The following ADAMTS17 variants were observed in gnomAD, a reference collection of about 807,000 sequenced individuals.
ADAMTS17 encodes the protein A disintegrin and metalloproteinase with thrombospondin motifs 17.
A neutral mutation model predicts 141.5 loss-of-function variants in ADAMTS17; 113 were observed. That is an observed-to-expected ratio of 0.80 (90% CI 0.69 to 0.93). The LOEUF (loss-of-function observed/expected upper bound fraction) is 0.93. ADAMTS17 is among the 40% of genes least tolerant of loss of function. The pLI, the probability that ADAMTS17 is intolerant of heterozygous loss-of-function variation, is 0.00. For synonymous variants in ADAMTS17, 768 were observed against 630.6 expected (o/e 1.22, Z -3.27); for missense variants, 1,659 against 1,517.9 (o/e 1.09, Z -1.54).
intron 8 of ADAMTS17, among the ~76,000 whole-genome samples, chr15:100,159,064 G>C (rs997970744): frequency 1.3e-5 from 2 of 152,128 alleles, no homozygotes; most frequent in African/African-American, 4.8e-5. Flanking sequence ...ACAGTATGGA[G>C]GTTCCTCAAA....
intron 20 of ADAMTS17, among the ~76,000 whole-genome samples, chr15:99,991,727 G>A (rs1306301024): frequency 2.0e-5 from 3 of 152,110 alleles, no homozygotes; most frequent in Non-Finnish European, 4.4e-5. Context: ...GCACACATAC[G>A]TTTACTGCGG....
chr15:100,207,108 GTGA>G (rs1459780826), intron 7 of ADAMTS17, among the ~76,000 whole-genome samples: 1 of 152,178 alleles, frequency 6.6e-6, no homozygotes, highest in Non-Finnish European at 1.5e-5. Context: ...CTTCAGGGAG[GTGA>G]TGAAGGTTAA....
intron 20 of ADAMTS17, among the ~76,000 whole-genome samples, chr15:99,988,826 G>A (rs1182097378): frequency 1.3e-5 from 2 of 152,214 alleles, no homozygotes; most frequent in African/African-American, 4.8e-5. Context: ...GCAGAGGAGG[G>A]AAGGCTCATG....
chr15:100,078,287 G>A (rs1432607793), intron 15 of ADAMTS17, among the ~76,000 whole-genome samples: 1 of 151,062 alleles, frequency 6.6e-6, no homozygotes, highest in Admixed American at 6.6e-5. Context: ...ACCCAGAATA[G>A]CCAAAGTAAT....
intron 8 of ADAMTS17, among the ~76,000 whole-genome samples, chr15:100,159,741 A>G (rs773581714): frequency 7.2e-5 from 11 of 152,182 alleles, no homozygotes; most frequent in Non-Finnish European, 1.0e-4. Context: ...AAGGGTCACA[A>G]CTCACAGACC....
chr15:100,175,855 C>T (rs180976294), intron 8 of ADAMTS17, among the ~76,000 whole-genome samples: 46 of 152,222 alleles, frequency 3.0e-4, no homozygotes, highest in African/African-American at 1.0e-3. Context: ...CCACACCCTC[C>T]AGTCCCAAGG....
chr15:100,219,493 C>T (rs897408557), intron 7 of ADAMTS17, among the ~76,000 whole-genome samples: 3 of 152,134 alleles, frequency 2.0e-5, no homozygotes, highest in South Asian at 4.1e-4. Context: ...ACAGGAAAAT[C>T]GCCACCACTC....
At chr15:100,027,359 C>G (rs1218588485) in intron 18 of ADAMTS17, among the ~76,000 whole-genome samples, 2 of 151,900 alleles carry the variant, frequency 1.3e-5, no homozygotes, top group Non-Finnish European at 1.5e-5. Flanking sequence ...ATTCCTGTAT[C>G]TAACTTTGTG....
intron 7 of ADAMTS17, among the ~76,000 whole-genome samples, chr15:100,210,578 C>G (rs1485162460): frequency 6.6e-6 from 1 of 152,240 alleles, no homozygotes; most frequent in Non-Finnish European, 1.5e-5. Context: ...AGACCGCAAG[C>G]TGGCAGCCAC....
At chr15:100,014,922 TTC>T (rs959496669) in intron 18 of ADAMTS17, among the ~76,000 whole-genome samples, 87 of 152,336 alleles carry the variant, frequency 5.7e-4, no homozygotes, top group African/African-American at 1.9e-3. Context: ...TTTGTTGACT[TTC>T]TGTTTTGATG....
intron 7 of ADAMTS17, among the ~76,000 whole-genome samples, chr15:100,209,355 A>C (rs370316411): frequency 1.3e-5 from 2 of 152,272 alleles, no homozygotes; most frequent in African/African-American, 4.8e-5. Flanking sequence ...AGCTCTGGGC[A>C]CCAGCTCCTG....
At chr15:100,164,820 T>A (rs963801044) in intron 8 of ADAMTS17, among the ~76,000 whole-genome samples, 6 of 152,046 alleles carry the variant, frequency 3.9e-5, no homozygotes, top group Non-Finnish European at 5.9e-5. Flanking sequence ...ACTCCTGGAG[T>A]AAAGCTTAAG....
At chr15:100,307,431 A>T (rs1385362094) in intron 3 of ADAMTS17, among the ~76,000 whole-genome samples, 1 of 152,242 alleles carries the variant, frequency 6.6e-6, no homozygotes, top group Non-Finnish European at 1.5e-5. Context: ...AACAAAAGAA[A>T]GAGATGGCAA....
intron 20 of ADAMTS17, chr15:99,979,531 G>A (rs960473030): frequency 6.6e-6 from 1 of 152,270 alleles, no homozygotes. Flanking sequence ...GCTAAACGCA[G>A]AGCGAAGTCA....
intron 12 of ADAMTS17, among the ~76,000 whole-genome samples, chr15:100,124,704 TTC>T (rs2037634865): frequency 1.3e-5 from 2 of 152,216 alleles, no homozygotes; most frequent in Non-Finnish European, 2.9e-5. Context: ...TCTTTGTATA[TTC>T]TACCTTCATA....
chr15:99,978,305 C>G (rs182799743), intron 20 of ADAMTS17, among the ~76,000 whole-genome samples: 1 of 152,138 alleles, frequency 6.6e-6, no homozygotes, highest in Non-Finnish European at 1.5e-5. Context: ...TTTTGTGTGT[C>G]TTTTTTCACT....
chr15:100,299,069 T>G (rs546712762), intron 3 of ADAMTS17, among the ~76,000 whole-genome samples: 3 of 152,280 alleles, frequency 2.0e-5, no homozygotes, highest in Non-Finnish European at 2.9e-5. Context: ...ACCGGTCATA[T>G]CAGATTAGGG....
chr15:100,034,474 C>A (rs975565611), intron 18 of ADAMTS17, among the ~76,000 whole-genome samples: 2 of 152,218 alleles, frequency 1.3e-5, no homozygotes, highest in Non-Finnish European at 2.9e-5. Context: ...CTGGGAAGCA[C>A]CTGCCACTAC....
chr15:100,253,701 C>T (rs1017680152), intron 7 of ADAMTS17, among the ~76,000 whole-genome samples: 2 of 152,150 alleles, frequency 1.3e-5, no homozygotes, highest in African/African-American at 2.4e-5. Flanking sequence ...TTATAATCTA[C>T]AGTCACACTT....
Sources: allele counts gnomAD v4.1 joint callset (sites outside exome capture counted in the v4.1 genomes callset), GRCh38; gene constraint gnomAD v4.1.1; transcripts MANE v1.5; gene names NCBI Gene and HGNC (gene_info 2026-07-23, HGNC 2026-07-21).